Variants in RPS6KC1 observed in about 807,000 individuals in gnomAD.
RPS6KC1 encodes the protein inactive ribosomal protein S6 kinase delta-1.
In RPS6KC1, 54 loss-of-function variants were observed where a neutral mutation model predicts 103.8. That is an observed-to-expected ratio of 0.52 (90% CI 0.42 to 0.65). The LOEUF (loss-of-function observed/expected upper bound fraction) is 0.65. Among genes scored for constraint, RPS6KC1 ranks in the 30% least tolerant of loss-of-function variants. The pLI is 0.00. For synonymous variants in RPS6KC1, 439 were observed against 438.7 expected (o/e 1.00, Z -0.01); for missense variants, 1,151 against 1,253.8 (o/e 0.92, Z 1.24).
the RPS6KC1 span, among the ~76,000 whole-genome samples, chr1:213,339,693 A>G: frequency 1.3e-5 from 2 of 152,168 alleles, no homozygotes; most frequent in Non-Finnish European, 2.9e-5. Context: ...TATCGTGCCT[A>G]TTTTACAGAT....
the RPS6KC1 span, among the ~76,000 whole-genome samples, chr1:213,502,189 C>T: frequency 3.9e-5 from 6 of 152,178 alleles, no homozygotes; most frequent in Admixed American, 2.0e-4. Context: ...CATGAGCACT[C>T]CTAGCTGCAA....
At chr1:213,369,631 C>G in the RPS6KC1 span, among the ~76,000 whole-genome samples, 1 of 152,234 alleles carries the variant, frequency 6.6e-6, no homozygotes, top group South Asian at 2.1e-4. Flanking sequence ...ATGTAGACAG[C>G]TGATCTGGAC....
the RPS6KC1 span, among the ~76,000 whole-genome samples, chr1:213,825,568 T>C: frequency 2.6e-5 from 4 of 152,118 alleles, no homozygotes; most frequent in African/African-American, 4.8e-5. Flanking sequence ...TTTGATGGGT[T>C]GCCCAGGTTA....
chr1:213,365,431 C>G, the RPS6KC1 span, among the ~76,000 whole-genome samples: 1 of 152,218 alleles, frequency 6.6e-6, no homozygotes, highest in Non-Finnish European at 1.5e-5. Context: ...TTACACTGCT[C>G]TTTTCCATAA....
chr1:213,230,204 T>A (rs2094058882), intron 8 of RPS6KC1, among the ~76,000 whole-genome samples: 1 of 152,216 alleles, frequency 6.6e-6, no homozygotes, highest in Non-Finnish European at 1.5e-5. Context: ...GGAAAAACTC[T>A]GTTTAAAATA....
intron 5 of RPS6KC1, among the ~76,000 whole-genome samples, chr1:213,126,071 A>G (rs527644174): frequency 1.3e-5 from 2 of 152,214 alleles, no homozygotes; most frequent in Admixed American, 6.6e-5. Flanking sequence ...TTCTTTTGTG[A>G]TTAGCTATAT....
the RPS6KC1 span, among the ~76,000 whole-genome samples, chr1:213,573,018 G>A: frequency 6.6e-6 from 1 of 151,984 alleles, no homozygotes; most frequent in Non-Finnish European, 1.5e-5. Context: ...AATGTGATTT[G>A]GTTAGATGCA....
chr1:213,540,996 T>C, the RPS6KC1 span, among the ~76,000 whole-genome samples: 2 of 151,906 alleles, frequency 1.3e-5, no homozygotes, highest in African/African-American at 2.4e-5. Flanking sequence ...AGCTCCAGGC[T>C]CCACCTGTAA....
the RPS6KC1 span, among the ~76,000 whole-genome samples, chr1:213,396,867 C>T: frequency 6.6e-6 from 1 of 152,168 alleles, no homozygotes; most frequent in Non-Finnish European, 1.5e-5. Flanking sequence ...TAGTGTTTAC[C>T]TGCTGTGATG....
the RPS6KC1 span, chr1:213,819,017 G>A: frequency 6.6e-6 from 1 of 152,160 alleles, no homozygotes. Context: ...GGAAACCCAT[G>A]ATTAATACCA....
At chr1:213,635,648 C>G in the RPS6KC1 span, among the ~76,000 whole-genome samples, 1 of 152,084 alleles carries the variant, frequency 6.6e-6, no homozygotes, top group Non-Finnish European at 1.5e-5. Context: ...TATGGCAAAC[C>G]CACAGCAAAT....
At chr1:213,717,402 G>A in the RPS6KC1 span, among the ~76,000 whole-genome samples, 2 of 152,222 alleles carry the variant, frequency 1.3e-5, no homozygotes, top group Admixed American at 6.5e-5. Context: ...AAGGAAAAAA[G>A]TAACTTGAGA....
At chr1:213,057,440 A>G (rs563990482) in intron 1 of RPS6KC1, among the ~76,000 whole-genome samples, 1 of 152,280 alleles carries the variant, frequency 6.6e-6, no homozygotes, top group Admixed American at 6.5e-5. Context: ...ATCTACCACC[A>G]TAATCAAGAA....
chr1:213,227,905 C>A (rs1257414456), intron 8 of RPS6KC1, among the ~76,000 whole-genome samples: 1 of 152,162 alleles, frequency 6.6e-6, no homozygotes, highest in Admixed American at 6.6e-5. Context: ...CCAGTGTAAT[C>A]TCTCTGTTTT....
the RPS6KC1 span, among the ~76,000 whole-genome samples, chr1:213,381,498 G>A: frequency 1.3e-5 from 2 of 151,970 alleles, no homozygotes; most frequent in South Asian, 2.1e-4. Flanking sequence ...GAGAGAGAGA[G>A]GCAGCGGTGG....
At chr1:213,702,148 T>G in the RPS6KC1 span, among the ~76,000 whole-genome samples, 1 of 152,012 alleles carries the variant, frequency 6.6e-6, no homozygotes, top group South Asian at 2.1e-4. Context: ...TTTTTCAATT[T>G]TCTTTTTAAT....
chr1:213,744,214 TAATTACCACTAAAG>T, the RPS6KC1 span, among the ~76,000 whole-genome samples: 1 of 152,006 alleles, frequency 6.6e-6, no homozygotes, highest in Non-Finnish European at 1.5e-5. Flanking sequence ...ATAATCTCAG[TAATTACCACTAAAG>T]AATTACCACT....
At chr1:213,674,062 A>G in the RPS6KC1 span, among the ~76,000 whole-genome samples, 7 of 151,980 alleles carry the variant, frequency 4.6e-5, 1 homozygote, top group South Asian at 1.5e-3. Flanking sequence ...TATGTTGCCC[A>G]GGTTGGAGTG....
the RPS6KC1 span, among the ~76,000 whole-genome samples, chr1:213,433,688 T>A: frequency 1.7e-4 from 26 of 152,228 alleles, no homozygotes; most frequent in African/African-American, 6.0e-4. Flanking sequence ...TATAGTGCCA[T>A]CTCATTGTGA....
Sources: allele counts gnomAD v4.1 joint callset (sites outside exome capture counted in the v4.1 genomes callset), GRCh38; gene constraint gnomAD v4.1.1; transcripts MANE v1.5; gene names NCBI Gene and HGNC (gene_info 2026-07-23, HGNC 2026-07-21).